The following ADAM22 variants were observed in gnomAD, a reference collection of about 807,000 sequenced individuals.
The protein encoded by ADAM22 is disintegrin and metalloproteinase domain-containing protein 22.
ADAM22 carries 65 observed loss-of-function variants against 144.6 expected under a neutral mutation model. The ratio of observed to expected loss-of-function variants is 0.45; its 90% confidence interval spans 0.37 to 0.55. The LOEUF (loss-of-function observed/expected upper bound fraction) is 0.55. Ranked by LOEUF, ADAM22 falls within the 20% of genes least tolerant of loss-of-function variation. ADAM22 has a pLI of 0.00. For missense variants in ADAM22, 974 were observed against 1,184.9 expected (o/e 0.82, Z 2.61); for synonymous variants, 391 against 412.6 (o/e 0.95, Z 0.63).
At chr7:87,993,572 T>G (rs1245632249) in intron 3 of ADAM22, among the ~76,000 whole-genome samples, 1 of 152,192 alleles carries the variant, frequency 6.6e-6, no homozygotes, top group East Asian at 1.9e-4. Context: ...TCAGTATGCC[T>G]CAGGCCATTC....
chr7:88,112,706 G>A (rs1826368932), intron 5 of ADAM22, among the ~76,000 whole-genome samples: 1 of 152,006 alleles, frequency 6.6e-6, no homozygotes, highest in South Asian at 2.1e-4. Flanking sequence ...GTCCAAAATG[G>A]AATTTTTTAT....
At chr7:87,967,807 CAAAA>C (rs35787636) in intron 2 of ADAM22, among the ~76,000 whole-genome samples, 1 of 60,952 alleles carries the variant, frequency 1.6e-5, no homozygotes, top group Non-Finnish European at 2.8e-5. Context: ...GACTCTGTCT[CAAAA>C]AAAAAAAAAA....
chr7:88,146,341 T>A (rs1386291228), intron 17 of ADAM22, among the ~76,000 whole-genome samples: 2 of 152,074 alleles, frequency 1.3e-5, no homozygotes, highest in Non-Finnish European at 1.5e-5. Context: ...CTTTAAAGAG[T>A]TAAAGGAGGA....
At chr7:88,009,611 C>A (rs1172513478) in intron 3 of ADAM22, among the ~76,000 whole-genome samples, 1 of 142,572 alleles carries the variant, frequency 7.0e-6, no homozygotes, top group African/African-American at 2.6e-5. Flanking sequence ...AAAAAAAGTG[C>A]ATTTATATTG....
chr7:88,033,942 G>A (rs1800896955), intron 3 of ADAM22, among the ~76,000 whole-genome samples: 1 of 152,138 alleles, frequency 6.6e-6, no homozygotes, highest in Non-Finnish European at 1.5e-5. Flanking sequence ...GTTAAGGGCA[G>A]TGAGCTCCCC....
intron 2 of ADAM22, among the ~76,000 whole-genome samples, chr7:87,945,516 C>CTTTT: frequency 1.4e-5 from 2 of 140,790 alleles, no homozygotes; most frequent in South Asian, 2.2e-4. Flanking sequence ...TCTTTTCTTT[C>CTTTT]TTTTTTTTTT....
intron 3 of ADAM22, among the ~76,000 whole-genome samples, chr7:88,039,464 A>AAAAAAAAATATATATATAT: frequency 3.9e-5 from 3 of 76,402 alleles, no homozygotes; most frequent in African/African-American, 1.4e-4. Context: ...AAAAAAAAAA[A>AAAAAAAAATATATATATAT]ATATATATAT....
intron 3 of ADAM22, among the ~76,000 whole-genome samples, chr7:88,029,780 G>A (rs548484798): frequency 2.2e-3 from 336 of 151,888 alleles, no homozygotes; most frequent in African/African-American, 8.0e-3. Flanking sequence ...TTCTTTCAGA[G>A]TTTTAAATAT....
chr7:88,030,523 C>A (rs554838155), intron 3 of ADAM22, among the ~76,000 whole-genome samples: 1 of 152,102 alleles, frequency 6.6e-6, no homozygotes, highest in East Asian at 1.9e-4. Flanking sequence ...TGTCTCCACC[C>A]AAATCTCATG....
At chr7:87,945,415 T>C (rs1365945768) in intron 2 of ADAM22, among the ~76,000 whole-genome samples, 1 of 152,200 alleles carries the variant, frequency 6.6e-6, no homozygotes, top group Non-Finnish European at 1.5e-5. Context: ...AGAAAAACTT[T>C]AAGTAAGTGT....
intron 3 of ADAM22, among the ~76,000 whole-genome samples, chr7:87,989,326 TA>T (rs1272688825): frequency 6.6e-6 from 1 of 152,200 alleles, no homozygotes; most frequent in Non-Finnish European, 1.5e-5. Context: ...GTCAAGTGAT[TA>T]TTTTTATTCA....
chr7:88,181,254 G>T (rs2129538103), intron 27 of ADAM22, among the ~76,000 whole-genome samples: 1 of 152,214 alleles, frequency 6.6e-6, no homozygotes, highest in East Asian at 1.9e-4. Flanking sequence ...CTTGCATTGT[G>T]TCTTGATACT....
Position 88,144,241 on chromosome 7 carries a change from A to T in ADAM22, c.1321-884A>T, listed in dbSNP as rs560196426. Among the ~76,000 whole-genome samples the T allele has an allele frequency of 5.3e-5, 8 of 152,240 alleles. No individual in the cohort carries two copies. The East Asian group carries it at 1.2e-3, about 22-fold the overall frequency. ...TATCCATCTGTTTACTGGTGTGTGT[A>T]CATTTTCATTCTATAATACGTAAAC... On this transcript the variant is annotated intron_variant, in intron 15 of 31. Transcript: ENST00000413139.
At chr7:88,127,076 A>G (rs1830595150) in intron 8 of ADAM22, among the ~76,000 whole-genome samples, 1 of 151,692 alleles carries the variant, frequency 6.6e-6, no homozygotes, top group Non-Finnish European at 1.5e-5. Flanking sequence ...ATATATACTC[A>G]TATATAAACA....
intron 4 of ADAM22, among the ~76,000 whole-genome samples, chr7:88,103,862 C>T (rs1823625245): frequency 6.6e-6 from 1 of 152,108 alleles, no homozygotes; most frequent in African/African-American, 2.4e-5. Context: ...GTGGTCTTTA[C>T]TGAAATAGAT....
chr7:88,128,675 T>A lies in ADAM22; in HGVS notation c.752T>A (p.Met251Lys), dbSNP rs1169688071. Reference sequence around the variant, plus strand: ...CTGATGATTGTGAATGATCACCTTATGGTAGGATTTGCTGTTGTTTTTAAG... The same window carrying A: ...CTGATGATTGTGAATGATCACCTTAAGGTAGGATTTGCTGTTGTTTTTAAG... Reference protein sequence around the residue: ...IELMIVNDHLMFKKHRLSVVH... With the variant: ...IELMIVNDHLKFKKHRLSVVH... The change falls in exon 9 of 32, where the codon ATG (methionine) becomes AAG (lysine). Residue 251 changes from methionine to lysine, a missense_variant and splice_region_variant. Met to Lys is a moderately conservative substitution (Grantham distance 95, BLOSUM62 -1). Around this residue, in one of 2 missense-constraint regions of ADAM22, gnomAD observed 734 missense variants for 950.6 expected, o/e 0.77. Coordinates refer to ENST00000413139, the MANE Select transcript of ADAM22 (RefSeq NM_001324418.2). The A allele has an allele frequency of 6.2e-7, 1 of 1,610,532 alleles. No homozygotes were observed. Among genetic ancestry groups the A allele is most frequent in the Non-Finnish European group, 8.5e-7 (1 of 1,177,540 alleles).
chr7:88,008,947 G>C lies in ADAM22; in HGVS notation c.323+30535G>C, dbSNP rs1226852017. ...AAAAGAAAAAAAAAGAAATATCACT[G>C]TCTATACTGAGAATATAGAGATCCA... On this transcript the variant is annotated intron_variant, in intron 3 of 31. Coordinates refer to ENST00000413139, the MANE Select transcript of ADAM22 (RefSeq NM_001324418.2). 2.0e-5 allele frequency among the ~76,000 whole-genome samples: 3 copies of C among 151,788 alleles called. No individual in the cohort carries two copies. The East Asian group carries it at 5.8e-4, about 29-fold the overall frequency.
At position 88,115,117 on chromosome 7, in the gene ADAM22, C is replaced by T. The variant is rs1380487048; in HGVS notation, c.537+470C>T. 5.9e-5 allele frequency among the ~76,000 whole-genome samples: 9 copies of T among 151,986 alleles called. 1 individual carries two copies. Among genetic ancestry groups the T allele is most frequent in the African/African-American group, 1.4e-4 (6 of 41,450 alleles). ...AAAATTAGCCAGGTGTGGTGGCATG[C>T]GCCTGTAATCCCAGCTACTTGGGAA... On this transcript the variant is annotated intron_variant, in intron 6 of 31. Transcript: ENST00000413139.
intron 7 of ADAM22, among the ~76,000 whole-genome samples, chr7:88,122,229 C>T (rs1005357473): frequency 1.2e-4 from 19 of 152,176 alleles, no homozygotes; most frequent in Non-Finnish European, 5.9e-5. Flanking sequence ...TAGGCCTCTC[C>T]ATAGGGAAGC....
Sources: allele counts gnomAD v4.1 joint callset (sites outside exome capture counted in the v4.1 genomes callset), GRCh38; gene constraint gnomAD v4.1.1; regional missense constraint gnomAD v4.1.1; transcripts MANE v1.5; gene names NCBI Gene and HGNC (gene_info 2026-07-23, HGNC 2026-07-21).